The following ARHGEF18 variants were observed in gnomAD, a reference collection of about 807,000 sequenced individuals.
ARHGEF18 encodes the protein Rho/Rac guanine nucleotide exchange factor 18, also known as rho guanine nucleotide exchange factor 18.
In ARHGEF18, 93 loss-of-function variants were observed where a neutral mutation model predicts 155.7. The observed-to-expected ratio is 0.60, with a 90% CI of 0.50 to 0.71. ARHGEF18 has a LOEUF of 0.71. Ranked by LOEUF, ARHGEF18 falls within the 30% of genes least tolerant of loss-of-function variation. The pLI, the probability that ARHGEF18 is intolerant of heterozygous loss-of-function variation, is 0.00. For missense variants in ARHGEF18, 1,593 were observed against 1,816.1 expected (o/e 0.88, Z 2.23); for synonymous variants, 742 against 753.1 (o/e 0.99, Z 0.24).
Position 7,375,701 on chromosome 19 carries a change from A to G in ARHGEF18, c.276-19A>G, listed in dbSNP as rs1363204859. The G allele has an allele frequency of 1.1e-5, 14 of 1,234,008 alleles. No individual in the cohort carries two copies. The highest frequency in any genetic ancestry group is 3.1e-5 in the African/African-American group (2 of 64,448). The allele number at this position is 1,234,008 out of a possible 1,614,324, so 76.4% of individuals were successfully genotyped here. On this transcript the variant is annotated intron_variant, in intron 3 of 28. Transcript: ENST00000668164. ...GGGCAAGACCTGCTGAAGCCCCAGT[A>G]CCCTGTCTTCTCCACTAGGCTCAGC...
At chr19:7,407,987 A>AAAAG (rs1972441913) in intron 10 of ARHGEF18, among the ~76,000 whole-genome samples, 1 of 135,534 alleles carries the variant, frequency 7.4e-6, no homozygotes, top group African/African-American at 2.6e-5. Flanking sequence ...AAAAAAAAAA[A>AAAAG]GAGGTAGTAG....
intron 1 of ARHGEF18, among the ~76,000 whole-genome samples, chr19:7,362,247 G>GGAA (rs1969653638): frequency 6.7e-6 from 1 of 148,742 alleles, no homozygotes; most frequent in South Asian, 2.1e-4. Context: ...GACAAGAAGA[G>GGAA]GAAGAGGAAG....
chr19:7,441,363 A>G (rs531882431), intron 11 of ARHGEF18, among the ~76,000 whole-genome samples: 126 of 152,154 alleles, frequency 8.3e-4, no homozygotes, highest in African/African-American at 2.6e-3. Flanking sequence ...TATTTTTAGC[A>G]GAGACGGGAT....
chr19:7,425,592 G>C lies in ARHGEF18; in HGVS notation c.968-14752G>C, dbSNP rs149156582. Among the ~76,000 whole-genome samples the C allele has an allele frequency of 7.1e-3, 1,075 of 151,584 alleles. 16 individuals are homozygous for C. Among genetic ancestry groups the C allele is most frequent in the African/African-American group, 0.024 (989 of 41,284 alleles). On this transcript the variant is annotated intron_variant, in intron 10 of 28. Transcript: ENST00000668164. ...AGCTACTCAGGAGACTGAGGCAGGAGAATTGCTTGAACCTGGGAGGTGGAC... is the reference window on the plus strand; with the variant it reads ...AGCTACTCAGGAGACTGAGGCAGGACAATTGCTTGAACCTGGGAGGTGGAC...
At chr19:7,351,698 CTCTCTCT>C (rs1969161567) in intron 1 of ARHGEF18, among the ~76,000 whole-genome samples, 1 of 63,738 alleles carries the variant, frequency 1.6e-5, no homozygotes, top group Admixed American at 1.7e-4. Flanking sequence ...GCCTCTCTCT[CTCTCTCT>C]TTTTTTTTTT....
chr19:7,407,657 C>A (rs1972397538), intron 10 of ARHGEF18, among the ~76,000 whole-genome samples: 1 of 152,002 alleles, frequency 6.6e-6, no homozygotes, highest in South Asian at 2.1e-4. Context: ...GCTCTCCCTT[C>A]CAGAACAAAC....
intron 10 of ARHGEF18, among the ~76,000 whole-genome samples, chr19:7,423,981 ATCAAAAATGGTGGCCCTCCAC>A (rs1973511079): frequency 6.6e-6 from 1 of 152,094 alleles, no homozygotes; most frequent in Non-Finnish European, 1.5e-5. Context: ...TTGGGGTGGC[ATCAAAAATGGTGGCCCTCCAC>A]TTTGAGGTTT....
intron 10 of ARHGEF18, among the ~76,000 whole-genome samples, chr19:7,424,131 A>C (rs947278499): frequency 3.6e-4 from 55 of 151,944 alleles, no homozygotes; most frequent in Non-Finnish European, 1.3e-4. Context: ...GGTTCAAGCG[A>C]TTCTCCTGCC....
intron 10 of ARHGEF18, among the ~76,000 whole-genome samples, chr19:7,436,308 A>T (rs1326780764): frequency 7.2e-6 from 1 of 138,984 alleles, no homozygotes; most frequent in African/African-American, 2.7e-5. Flanking sequence ...ACAGGATCTC[A>T]CTCTGCTGCC....
At chr19:7,477,121 G>A (rs118050816), downstream of ARHGEF18, 954 of 1,297,140 alleles carry the variant, frequency 7.4e-4, 7 homozygotes, top group African/African-American at 0.012. Flanking sequence ...TGAGAGCCCC[G>A]GCCCCTGCCC....
Position 7,462,072 on chromosome 19 carries a change from C to T in ARHGEF18, c.2453-80C>T. 6.3e-7 allele frequency: 1 copy of T among 1,583,746 alleles called. No homozygotes were observed. The highest frequency in any genetic ancestry group is 8.6e-7 in the Non-Finnish European group (1 of 1,156,684). ...GGGCAGGGCCAGCGGGGTTCCTCAT[C>T]CTTAGGCCAGTCCCCGGGGCTCAGA... On this transcript the variant is annotated intron_variant, in intron 20 of 28. Coordinates refer to ENST00000668164, the MANE Select transcript of ARHGEF18 (RefSeq NM_001367823.1). This position sits in a 1 kb window ranked among gnomAD's most constrained non-coding sequence, Gnocchi z 4.4.
rs1452608555 is a variant in ARHGEF18, at chr19:7,376,677, G to C, written c.461G>C (p.Arg154Thr). 1 of 1,234,476 alleles carries C rather than the reference G, an allele frequency of 8.1e-7. No homozygotes were observed. 76.5% of individuals were successfully genotyped at this position (1,234,476 alleles called of 1,614,324 possible). The part of the protein sequence containing the change: ...CDSPKKRGRS[R>T]SVPVSFYEIR... ...AGCCCCAAGAAAAGAGGGAGGTCAA[G>C]GTCCGTTCCTGTGTCCTTCTATGAG... Residue 154 changes from arginine (R) to threonine (T), a missense_variant, in exon 5 of 29, where the codon AGG (arginine) becomes ACG (threonine). By Grantham distance (71) the Arg-to-Thr change is moderately conservative (BLOSUM62 -1). Coordinates refer to ENST00000668164, the MANE Select transcript of ARHGEF18 (RefSeq NM_001367823.1).
At chr19:7,363,594 AG>A (rs1453065745) in intron 2 of ARHGEF18, among the ~76,000 whole-genome samples, 5 of 151,976 alleles carry the variant, frequency 3.3e-5, no homozygotes, top group South Asian at 2.1e-4. Context: ...GAAAGATGGA[AG>A]GAAGGAAGAT....
At position 7,453,529 on chromosome 19, in the gene ARHGEF18, C is replaced by T; in HGVS notation, c.1918C>T (p.Gln640Ter). 6.2e-7 allele frequency: 1 copy of T among 1,614,090 alleles called. No homozygotes were observed. The highest frequency in any genetic ancestry group is 8.5e-7 in the Non-Finnish European group (1 of 1,179,946). ...ALNLIKDIIS[Q>*]VDAKVSECEK... ...GAACCTCATCAAAGATATCATCTCA[C>T]AAGTGGACGCCAAGGTCAGTGAGTG... The change falls in exon 17 of 29, where the codon CAA becomes TAA. Residue 640 changes from glutamine to a stop codon, truncating the protein, a stop_gained. Coordinates refer to ENST00000668164, the MANE Select transcript of ARHGEF18 (RefSeq NM_001367823.1). LOFTEE classifies it high-confidence loss of function.
intron 10 of ARHGEF18, among the ~76,000 whole-genome samples, chr19:7,417,773 A>G (rs1973105281): frequency 6.6e-6 from 1 of 152,094 alleles, no homozygotes; most frequent in Admixed American, 6.6e-5. Context: ...GGATGGTGAC[A>G]TGTTTGGAGG....
intron 10 of ARHGEF18, among the ~76,000 whole-genome samples, chr19:7,421,848 G>C (rs375701687): frequency 9.9e-5 from 15 of 152,254 alleles, no homozygotes; most frequent in East Asian, 9.6e-4. Flanking sequence ...CTGAGCAGAG[G>C]GTCCTGGGTG....
At chr19:7,459,757 C>T (rs1467772913) in intron 19 of ARHGEF18, 146 bp from the exon 20 acceptor site, 2 of 640,772 alleles carry the variant, frequency 3.1e-6, no homozygotes, top group Non-Finnish European at 5.3e-6. Context: ...TCTCTCTTCC[C>T]CTCCTCGTCC....
Position 7,454,689 on chromosome 19 carries a change from G to A in ARHGEF18, c.2104+974G>A, listed in dbSNP as rs147987055. Among the ~76,000 whole-genome samples the A allele has an allele frequency of 6.4e-3, 978 of 152,240 alleles. 6 individuals are homozygous for A. The highest frequency in any genetic ancestry group is 0.01 in the Non-Finnish European group (690 of 68,012). On this transcript the variant is annotated intron_variant, in intron 17 of 28. Coordinates refer to ENST00000668164, the MANE Select transcript of ARHGEF18 (RefSeq NM_001367823.1). ...GCATAAAAGAGATGGTTGTATCACC[G>A]TCCTCCTCCTCTGGTCTTTGGAAGG...
downstream of ARHGEF18, among the ~76,000 whole-genome samples, chr19:7,472,670 G>T (rs1239630404): frequency 1.3e-5 from 2 of 152,094 alleles, no homozygotes; most frequent in African/African-American, 4.8e-5. Flanking sequence ...GTTGTTGGGG[G>T]TTTTGTTTTT....
Sources: allele counts gnomAD v4.1 joint callset (sites outside exome capture counted in the v4.1 genomes callset), GRCh38; gene constraint gnomAD v4.1.1; non-coding constraint Gnocchi (gnomAD v3.1); transcripts MANE v1.5; gene names NCBI Gene and HGNC (gene_info 2026-07-23, HGNC 2026-07-21).